Variants in UHRF2 observed in about 807,000 individuals in gnomAD.
UHRF2 encodes E3 ubiquitin-protein ligase UHRF2.
Under a neutral mutation model 96.8 loss-of-function variants are expected in UHRF2, and 23 were observed. That is an observed-to-expected ratio of 0.24 (90% CI 0.17 to 0.34). The LOEUF is 0.34. Ranked by LOEUF, UHRF2 falls within the 10% of genes least tolerant of loss-of-function variation. The pLI is 1.00. For synonymous variants in UHRF2, 385 were observed against 332.6 expected, an observed-to-expected ratio of 1.16 and a Z score of -1.72; for missense variants, 685 against 981.5, an observed-to-expected ratio of 0.70 and a Z score of 4.04.
In UHRF2 at chr9:6,424,278, G is replaced by T. The variant is rs184368522; in HGVS notation, c.384+3136G>T. Among the ~76,000 whole-genome samples the T allele has an allele frequency of 1.1e-4, 17 of 152,294 alleles. No individual in the cohort carries two copies. The East Asian group carries it at 2.3e-3, about 21-fold the overall frequency. ...TGCTGATAGCTCAAGGAATTAATGCGTGAATTAGAACAGGAAAAAAATTTG... is the reference window on the plus strand; with the variant it reads ...TGCTGATAGCTCAAGGAATTAATGCTTGAATTAGAACAGGAAAAAAATTTG... On this transcript the variant is annotated intron_variant, in intron 2 of 15. Transcript: ENST00000276893.
At chr9:6,456,529 T>C (rs1477077260) in intron 3 of UHRF2, among the ~76,000 whole-genome samples, 3 of 152,254 alleles carry the variant, frequency 2.0e-5, no homozygotes, top group African/African-American at 4.8e-5. Flanking sequence ...AGCAGCTCTT[T>C]AGTTTAATGA....
At chr9:6,431,595 T>G (rs187740495) in intron 2 of UHRF2, among the ~76,000 whole-genome samples, 1 of 152,142 alleles carries the variant, frequency 6.6e-6, no homozygotes, top group African/African-American at 2.4e-5. Flanking sequence ...AAAAAAATTC[T>G]TACGTCCAGT....
chr9:6,448,947 T>G (rs1821686539), intron 3 of UHRF2, among the ~76,000 whole-genome samples: 1 of 152,250 alleles, frequency 6.6e-6, no homozygotes, highest in South Asian at 2.1e-4. Context: ...TCTTTAAACA[T>G]CGCAGAACAA....
intron 14 of UHRF2, among the ~76,000 whole-genome samples, chr9:6,501,959 G>C (rs1237364888): frequency 1.3e-5 from 2 of 152,182 alleles, no homozygotes; most frequent in Non-Finnish European, 2.9e-5. Flanking sequence ...CCTATGGGTA[G>C]TGTCCCACTG....
chr9:6,500,430 G>T, intron 13 of UHRF2, 122 bp from the exon 14 acceptor site: 3 of 781,054 alleles, frequency 3.8e-6, no homozygotes, highest in South Asian at 2.8e-5. Context: ...GGGGAAATTA[G>T]ATGCTGTTTT....
In UHRF2 at chr9:6,440,938, C is replaced by T. The variant is rs550674666; in HGVS notation, c.644+6765C>T. On this transcript the variant is annotated intron_variant, in intron 3 of 15. Transcript: ENST00000276893. ...AAGTTGTAATGATTCTAATCATTCC[C>T]TGTGATTCTATTTCATTCCCTGTGA... 2.5e-4 allele frequency among the ~76,000 whole-genome samples: 38 copies of T among 152,264 alleles called. 2 individuals carry two copies. In the South Asian group the frequency reaches 7.9e-3, roughly 32 times the overall value.
At chr9:6,427,488 A>G (rs377581357) in intron 2 of UHRF2, among the ~76,000 whole-genome samples, 1 of 152,066 alleles carries the variant, frequency 6.6e-6, no homozygotes, top group East Asian at 1.9e-4. Flanking sequence ...GGCTTTTGCA[A>G]CCATCCTGGC....
rs145562532 is a variant in UHRF2 at position 6,504,586 on chromosome 9, G to C, written c.2164-7G>C. The C allele has an allele frequency of 6.3e-4, 1,009 of 1,608,888 alleles. 1 individual carries two copies. In the African/African-American group the frequency reaches 0.013, roughly 20 times the overall value. ...TTTTCTTTCCTTATCCTTGGATACT[G>C]TTCTAGAATTTTCTGAAAAAATTGG... On this transcript the variant is annotated splice_polypyrimidine_tract_variant and splice_region_variant and intron_variant, in intron 14 of 15. Coordinates refer to ENST00000276893, the MANE Select transcript of UHRF2 (RefSeq NM_152896.3).
chr9:6,445,106 C>T (rs1213117305), intron 3 of UHRF2, among the ~76,000 whole-genome samples: 2 of 101,512 alleles, frequency 2.0e-5, no homozygotes, highest in Non-Finnish European at 3.7e-5. Flanking sequence ...GCTTGGACTA[C>T]ATAGCAAAAC....
chr9:6,445,998 T>TC lies in UHRF2; in HGVS notation c.644+11825_644+11826insC, dbSNP rs1821472871. On this transcript the variant is annotated intron_variant, in intron 3 of 15. Coordinates refer to ENST00000276893, the MANE Select transcript of UHRF2 (RefSeq NM_152896.3). ...CCGCCACCCTTTTTTTTTTTTTTTTTTTCCTGTTTTTGAGATAGAGTCTCA... is the reference window on the plus strand; with the variant it reads ...CCGCCACCCTTTTTTTTTTTTTTTTTCTTCCTGTTTTTGAGATAGAGTCTCA... Among the ~76,000 whole-genome samples, 20 of 129,870 alleles carry TC rather than the reference T, an allele frequency of 1.5e-4. 1 individual carries two copies. Among genetic ancestry groups the TC allele is most frequent in the Admixed American group, 2.5e-4 (3 of 11,876 alleles). The allele number at this position is 129,870 out of a possible 152,430, so 85.2% of individuals were successfully genotyped here.
At chr9:6,444,687 C>G (rs753132041) in intron 3 of UHRF2, among the ~76,000 whole-genome samples, 4 of 152,098 alleles carry the variant, frequency 2.6e-5, no homozygotes, top group Non-Finnish European at 5.9e-5. Context: ...CTGCAACCTC[C>G]CCCTCCAGGG....
At position 6,493,897 on chromosome 9, in the gene UHRF2, A is replaced by G; in HGVS notation, c.1569A>G (p.Ala523=). ...KNLAGNKRIG[A]PSADQTLTNM... ...TTGCTGGTAACAAAAGAATTGGTGC[A>G]CCTTCAGCTGATCAAACATTAACAA... Residue 523 remains alanine (A), a synonymous_variant, in exon 10 of 16, where the codon GCA becomes GCG. Transcript: ENST00000276893. 1 of 1,613,986 alleles carries G rather than the reference A, an allele frequency of 6.2e-7. No homozygotes were observed. The highest frequency in any genetic ancestry group is 8.5e-7 in the Non-Finnish European group (1 of 1,179,934).
intron 8 of UHRF2, among the ~76,000 whole-genome samples, chr9:6,485,583 C>G (rs1411929283): frequency 2.0e-5 from 3 of 151,330 alleles, no homozygotes; most frequent in Non-Finnish European, 4.4e-5. Flanking sequence ...TTGTTGGCTT[C>G]TAAAAGCTTC....
chr9:6,497,636 C>A (rs1242382586), intron 11 of UHRF2, among the ~76,000 whole-genome samples: 4 of 151,836 alleles, frequency 2.6e-5, no homozygotes, highest in Non-Finnish European at 5.9e-5. Context: ...AAGTAACTGG[C>A]TGTTGTATAA....
At chr9:6,438,772 CTT>C (rs769014806) in intron 3 of UHRF2, among the ~76,000 whole-genome samples, 4 of 152,156 alleles carry the variant, frequency 2.6e-5, no homozygotes, top group Non-Finnish European at 5.9e-5. Context: ...GATTATCAGT[CTT>C]TGAAATGAAG....
chr9:6,471,626 G>T (rs1355598344), intron 4 of UHRF2, among the ~76,000 whole-genome samples: 1 of 152,126 alleles, frequency 6.6e-6, no homozygotes, highest in Non-Finnish European at 1.5e-5. Context: ...CTTTAAATGA[G>T]ACTGCACCCC....
chr9:6,429,358 C>T (rs949996760), intron 2 of UHRF2, among the ~76,000 whole-genome samples: 1 of 152,160 alleles, frequency 6.6e-6, no homozygotes, highest in Admixed American at 6.5e-5. Flanking sequence ...TAATGGTAAA[C>T]AGCTAATGTT....
At position 6,497,122 on chromosome 9, in the gene UHRF2, T is replaced by G. The variant is rs1015812661; in HGVS notation, c.1605-76T>G. The G allele has an allele frequency of 2.2e-6, 3 of 1,356,392 alleles. No homozygotes were observed. The African/African-American group carries it at 4.3e-5, about 20-fold the overall frequency. 84.0% of individuals were successfully genotyped at this position (1,356,392 alleles called of 1,614,324 possible). A position where few individuals can be genotyped will look rare whatever the true frequency, so the allele number is the denominator to read the frequency against. On this transcript the variant is annotated intron_variant, in intron 10 of 15. Transcript: ENST00000276893. ...CCATCAGGTAAGGTATAATTCACCT[T>G]TTAATTGAGCTAATGACTCGATTGT... is the stretch of plus-strand genomic sequence containing the variant.
At chr9:6,481,886 A>T in intron 7 of UHRF2, 106 bp from the exon 8 acceptor site, 1 of 1,534,740 alleles carries the variant, frequency 6.5e-7, no homozygotes, top group Non-Finnish European at 8.8e-7. Context: ...TATCAATGGT[A>T]CTTAAATTAC....
Sources: allele counts gnomAD v4.1 joint callset (sites outside exome capture counted in the v4.1 genomes callset), GRCh38; gene constraint gnomAD v4.1.1; transcripts MANE v1.5; gene names NCBI Gene and HGNC (gene_info 2026-07-23, HGNC 2026-07-21).